The following LRRTM4 variants were observed in gnomAD, a reference collection of about 807,000 sequenced individuals.
LRRTM4 encodes the protein leucine rich repeat transmembrane neuronal 4.
Under a neutral mutation model 47.6 loss-of-function variants are expected in LRRTM4, and 25 were observed. The ratio of observed to expected loss-of-function variants is 0.53; its 90% CI spans 0.38 to 0.73. The LOEUF is 0.73. LRRTM4 is among the 30% of genes least tolerant of loss of function. The pLI is 0.00. For synonymous variants in LRRTM4, 311 were observed against 269.5 expected, an observed-to-expected ratio of 1.15 and a Z score of -1.51; for missense variants, 638 against 713.4, an observed-to-expected ratio of 0.89 and a Z score of 1.20.
At chr2:77,422,707 A>C (rs138307746) in intron 3 of LRRTM4, among the ~76,000 whole-genome samples, 1 of 152,140 alleles carries the variant, frequency 6.6e-6, no homozygotes, top group African/African-American at 2.4e-5. Context: ...TTATTTTTTT[A>C]AAAGCATTCT....
intron 3 of LRRTM4, among the ~76,000 whole-genome samples, chr2:76,776,568 G>C (rs1035152288): frequency 7.2e-5 from 11 of 152,274 alleles, no homozygotes; most frequent in African/African-American, 2.6e-4. Flanking sequence ...TTTGAGAAGT[G>C]TCTGTTCATG....
chr2:77,431,149 A>G (rs1357976671), intron 3 of LRRTM4, among the ~76,000 whole-genome samples: 1 of 149,002 alleles, frequency 6.7e-6, no homozygotes, highest in Non-Finnish European at 1.5e-5. Flanking sequence ...CCATGACCGC[A>G]TGAGCCAATT....
chr2:77,103,640 C>T (rs1267315548), intron 3 of LRRTM4, among the ~76,000 whole-genome samples: 5 of 117,216 alleles, frequency 4.3e-5, no homozygotes, highest in African/African-American at 2.1e-4. Context: ...GTGTTATATA[C>T]ATGAGTGTAT....
chr2:77,363,528 C>T (rs1168738851), intron 3 of LRRTM4, among the ~76,000 whole-genome samples: 1 of 152,090 alleles, frequency 6.6e-6, no homozygotes, highest in African/African-American at 2.4e-5. Context: ...TCCCTTATGT[C>T]CTTTAAGGAA....
intron 3 of LRRTM4, among the ~76,000 whole-genome samples, chr2:77,002,292 G>C (rs1002324234): frequency 4.6e-5 from 7 of 152,086 alleles, no homozygotes; most frequent in Non-Finnish European, 1.0e-4. Context: ...GTGAAATTTG[G>C]TGTCCTACCC....
chr2:77,185,372 G>T (rs910711911), intron 3 of LRRTM4, among the ~76,000 whole-genome samples: 2 of 152,046 alleles, frequency 1.3e-5, no homozygotes, highest in Non-Finnish European at 2.9e-5. Flanking sequence ...AGTGATAAAG[G>T]TCATATTTTG....
At chr2:77,168,815 C>A (rs534746107) in intron 3 of LRRTM4, among the ~76,000 whole-genome samples, 59 of 152,254 alleles carry the variant, frequency 3.9e-4, no homozygotes, top group Middle Eastern at 6.8e-3. Flanking sequence ...CTGTGCTTGG[C>A]TTACTTCACT....
intron 3 of LRRTM4, among the ~76,000 whole-genome samples, chr2:77,266,854 A>C (rs1393620321): frequency 6.6e-6 from 1 of 152,070 alleles, no homozygotes; most frequent in African/African-American, 2.4e-5. Context: ...CAACACAGAG[A>C]CCTTTCCCTC....
intron 3 of LRRTM4, among the ~76,000 whole-genome samples, chr2:77,427,690 G>A (rs774580623): frequency 2.9e-4 from 44 of 152,172 alleles, no homozygotes; most frequent in Admixed American, 7.9e-4. Flanking sequence ...GCTGGCCATA[G>A]GGAAAGAATA....
At chr2:76,869,640 A>T (rs1007280786) in intron 3 of LRRTM4, among the ~76,000 whole-genome samples, 8 of 152,180 alleles carry the variant, frequency 5.3e-5, no homozygotes, top group Non-Finnish European at 1.2e-4. Flanking sequence ...CATGGCTGTT[A>T]TTATGTGTGA....
intron 3 of LRRTM4, among the ~76,000 whole-genome samples, chr2:76,829,398 C>T (rs1671272661): frequency 6.6e-6 from 1 of 151,850 alleles, no homozygotes; most frequent in Non-Finnish European, 1.5e-5. Flanking sequence ...GCTCCCTTGC[C>T]TAAGGATTCG....
intron 3 of LRRTM4, among the ~76,000 whole-genome samples, chr2:76,965,877 T>TCAATA (rs1676008045): frequency 6.6e-6 from 1 of 151,434 alleles, no homozygotes; most frequent in Non-Finnish European, 1.5e-5. Context: ...TATAGGTATA[T>TCAATA]CAATAAAGTG....
At chr2:77,376,168 T>A (rs957738602) in intron 3 of LRRTM4, among the ~76,000 whole-genome samples, 1 of 151,832 alleles carries the variant, frequency 6.6e-6, no homozygotes, top group African/African-American at 2.4e-5. Flanking sequence ...GTATAAAGAT[T>A]TTCTGGTTAT....
chr2:77,177,625 T>C (rs921244443), intron 3 of LRRTM4, among the ~76,000 whole-genome samples: 4 of 152,226 alleles, frequency 2.6e-5, no homozygotes, highest in African/African-American at 9.6e-5. Context: ...AAGAGAAAAC[T>C]GCCAAGTCAG....
intron 3 of LRRTM4, among the ~76,000 whole-genome samples, chr2:76,908,110 C>A (rs1198680009): frequency 1.4e-4 from 21 of 151,180 alleles, no homozygotes; most frequent in South Asian, 1.0e-3. Context: ...TACTGGCAAA[C>A]CGAATCCAGC....
At chr2:77,027,920 A>T (rs1678510728) in intron 3 of LRRTM4, among the ~76,000 whole-genome samples, 1 of 152,010 alleles carries the variant, frequency 6.6e-6, no homozygotes, top group East Asian at 1.9e-4. Context: ...AATGAAAATT[A>T]TCAACAGAAT....
chr2:76,956,249 TCTC>T (rs1302218230), intron 3 of LRRTM4, among the ~76,000 whole-genome samples: 1 of 151,694 alleles, frequency 6.6e-6, no homozygotes, highest in Non-Finnish European at 1.5e-5. Context: ...GCAAGTGTCT[TCTC>T]TGACCACAGT....
intron 3 of LRRTM4, among the ~76,000 whole-genome samples, chr2:77,227,727 G>A (rs1237698159): frequency 6.6e-6 from 1 of 152,000 alleles, no homozygotes; most frequent in Non-Finnish European, 1.5e-5. Flanking sequence ...ATTATATAGT[G>A]TGGTCTGGCT....
intron 3 of LRRTM4, among the ~76,000 whole-genome samples, chr2:76,769,498 T>C (rs1242584813): frequency 6.6e-6 from 1 of 151,554 alleles, no homozygotes; most frequent in Non-Finnish European, 1.5e-5. Flanking sequence ...ATTTGAGACG[T>C]CTCTAAATAA....
Sources: gnomAD v4.1 joint callset for allele counts (sites outside exome capture counted in the v4.1 genomes callset) on GRCh38, gnomAD v4.1.1 for gene constraint, MANE v1.5 for transcripts, NCBI Gene and HGNC (gene_info 2026-07-23, HGNC 2026-07-21) for gene names.